The following SORCS1 variants were observed in gnomAD, a reference collection of about 807,000 sequenced individuals.
The protein encoded by SORCS1 is VPS10 domain-containing receptor SorCS1.
SORCS1 carries 60 observed loss-of-function variants against 146.1 expected under a neutral mutation model. The observed-to-expected ratio is 0.41, with a 90% confidence interval of 0.33 to 0.51. The LOEUF (loss-of-function observed/expected upper bound fraction) is 0.51. Among genes scored for constraint, SORCS1 ranks in the 20% least tolerant of loss-of-function variants. SORCS1 has a pLI of 0.21. For missense variants in SORCS1, 1,352 were observed against 1,487.6 expected (o/e 0.91, Z 1.50); for synonymous variants, 637 against 584.0 (o/e 1.09, Z -1.31).
intron 1 of SORCS1, among the ~76,000 whole-genome samples, chr10:107,127,324 C>T (rs934039047): frequency 1.3e-5 from 2 of 151,968 alleles, no homozygotes; most frequent in African/African-American, 2.4e-5. Context: ...CTTTCAGCAC[C>T]ATAGTTGAAA....
At position 106,897,934 on chromosome 10, in the gene SORCS1, G is replaced by T. The variant is rs539587159; in HGVS notation, c.626+58579C>A. 6.6e-5 allele frequency among the ~76,000 whole-genome samples: 10 copies of T among 152,306 alleles called. No homozygotes were observed. The East Asian group carries it at 1.9e-3, about 29-fold the overall frequency. On this transcript the variant is annotated intron_variant, in intron 2 of 25. Transcript: ENST00000263054. ...AAGGTTCCTATTTTTCAGTCCTCTG[G>T]TGCAGCCTTGGCCACTGGCCATTCC...
At chr10:107,036,215 AT>A (rs1473274073) in intron 1 of SORCS1, among the ~76,000 whole-genome samples, 16 of 152,212 alleles carry the variant, frequency 1.1e-4, no homozygotes, top group East Asian at 1.9e-4. Flanking sequence ...ATAAAAAATA[AT>A]ATGAATAAAA....
upstream of SORCS1, among the ~76,000 whole-genome samples, chr10:107,165,742 G>C (rs760615773): frequency 6.6e-6 from 1 of 152,208 alleles, no homozygotes; most frequent in Non-Finnish European, 1.5e-5. The surrounding 1 kb of genome is among the most constrained non-coding windows in gnomAD (Gnocchi z 4.0). Flanking sequence ...ACTGCCACAT[G>C]CTTTGAGATC....
intron 2 of SORCS1, among the ~76,000 whole-genome samples, chr10:106,925,669 C>T (rs1285813377): frequency 6.6e-6 from 1 of 152,160 alleles, no homozygotes; most frequent in Non-Finnish European, 1.5e-5. Context: ...TCTAGATAAC[C>T]TAAAATTTGT....
intron 18 of SORCS1, among the ~76,000 whole-genome samples, chr10:106,633,083 T>C (rs1286579494): frequency 6.6e-6 from 1 of 152,110 alleles, no homozygotes; most frequent in African/African-American, 2.4e-5. Flanking sequence ...CAGAGAAAAA[T>C]ACCTTCTGGG....
At chr10:106,851,825 T>C (rs1396851677) in intron 2 of SORCS1, among the ~76,000 whole-genome samples, 1 of 152,250 alleles carries the variant, frequency 6.6e-6, no homozygotes, top group Non-Finnish European at 1.5e-5. Context: ...AGTCTTTCTG[T>C]CCATGGATAT....
At chr10:106,601,065 G>A (rs1429154932) in intron 23 of SORCS1, among the ~76,000 whole-genome samples, 1 of 152,144 alleles carries the variant, frequency 6.6e-6, no homozygotes, top group African/African-American at 2.4e-5. Context: ...TTCACCAGTT[G>A]CATAATTGGG....
Position 106,742,070 on chromosome 10 carries a change from A to G in SORCS1, c.960-11956T>C, listed in dbSNP as rs138184116. On this transcript the variant is annotated intron_variant, in intron 5 of 25. Coordinates refer to ENST00000263054, the MANE Select transcript of SORCS1 (RefSeq NM_052918.5). ...TCAAATACTTCAACTGAGAAGGAAAAGAGATCCAGTCAGTAAAGCTTGGAA... is the reference window on the plus strand; with the variant it reads ...TCAAATACTTCAACTGAGAAGGAAAGGAGATCCAGTCAGTAAAGCTTGGAA... Among the ~76,000 whole-genome samples the G allele has an allele frequency of 3.4e-3, 516 of 152,316 alleles. 3 individuals are homozygous for G. The highest frequency in any genetic ancestry group is 0.02 in the Middle Eastern group (6 of 294).
chr10:106,889,018 CT>C (rs35533170), intron 2 of SORCS1, among the ~76,000 whole-genome samples: 1 of 152,154 alleles, frequency 6.6e-6, no homozygotes, highest in African/African-American at 2.4e-5. Flanking sequence ...CCAATAAACG[CT>C]TTTTTTCAAT....
At chr10:107,030,186 C>G (rs1392118427) in intron 1 of SORCS1, among the ~76,000 whole-genome samples, 1 of 152,088 alleles carries the variant, frequency 6.6e-6, no homozygotes, top group Non-Finnish European at 1.5e-5. Context: ...TCTCCACATT[C>G]AATACTTAAG....
intron 5 of SORCS1, among the ~76,000 whole-genome samples, chr10:106,753,299 T>C (rs1858395345): frequency 6.6e-6 from 1 of 152,158 alleles, no homozygotes; most frequent in African/African-American, 2.4e-5. Flanking sequence ...GTTACAGCCA[T>C]CTCGCGCCAC....
chr10:106,989,235 A>T (rs1452392445), intron 1 of SORCS1, among the ~76,000 whole-genome samples: 2 of 137,382 alleles, frequency 1.5e-5, no homozygotes, highest in Non-Finnish European at 3.0e-5. Context: ...GCATCACCAC[A>T]CTCCAGCCTG....
chr10:106,780,321 C>G (rs1860793601), intron 3 of SORCS1, among the ~76,000 whole-genome samples: 1 of 152,186 alleles, frequency 6.6e-6, no homozygotes, highest in Non-Finnish European at 1.5e-5. Flanking sequence ...TAGAATGACT[C>G]TTTATCCCCT....
intron 25 of SORCS1, 115 bp from the exon 26 acceptor site, chr10:106,577,670 T>C (rs1844650563): frequency 6.6e-7 from 1 of 1,510,684 alleles, no homozygotes; most frequent in Non-Finnish European, 8.8e-7. Flanking sequence ...ACTACTTTAA[T>C]AAAGCAAACA....
rs116715947 is a variant in SORCS1, at chr10:107,152,655, C to T, written c.558+11314G>A. ...TCTGCACCTCTCTCTTCTGCTGTCA[C>T]ATGAAGAAGGATCTGTTTGCTTCCC... On this transcript the variant is annotated intron_variant, in intron 1 of 25. Transcript: ENST00000263054. Among the ~76,000 whole-genome samples, 995 of 152,322 alleles carry T rather than the reference C, an allele frequency of 6.5e-3. 11 individuals are homozygous for T. The highest frequency in any genetic ancestry group is 0.023 in the African/African-American group (938 of 41,564).
At chr10:106,597,984 AAATATT>A (rs1846006340) in intron 23 of SORCS1, among the ~76,000 whole-genome samples, 1 of 152,130 alleles carries the variant, frequency 6.6e-6, no homozygotes, top group African/African-American at 2.4e-5. Flanking sequence ...TCATGCTTAT[AAATATT>A]ATCTAAACTG....
chr10:106,608,850 C>T (rs1017954814), intron 22 of SORCS1, among the ~76,000 whole-genome samples: 6 of 152,108 alleles, frequency 3.9e-5, no homozygotes, highest in South Asian at 2.1e-4. Context: ...CAAGAGACCC[C>T]GAGGGGAGAC....
rs10579142 is a variant in SORCS1 at position 106,598,236 on chromosome 10, ATATTATTATTATTATTAT to A, written c.3166-804_3166-787del. ...TTACGGGGATAACAACACTCCTATT[ATATTATTATTATTATTAT>A]TATTATTATTATTATTATTATTATT... On this transcript the variant is annotated intron_variant, in intron 23 of 25. Coordinates refer to ENST00000263054, the MANE Select transcript of SORCS1 (RefSeq NM_052918.5). 2.2e-3 allele frequency among the ~76,000 whole-genome samples: 307 copies of A among 140,480 alleles called. 4 individuals carry two copies. The Middle Eastern group carries it at 0.036, about 17-fold the overall frequency. The allele number at this position is 140,480 out of a possible 152,430, so 92.2% of individuals were successfully genotyped here. A position where few individuals can be genotyped will look rare whatever the true frequency, so the allele number is the denominator to read the frequency against.
At chr10:106,950,087 T>C (rs1276446869) in intron 2 of SORCS1, among the ~76,000 whole-genome samples, 1 of 152,254 alleles carries the variant, frequency 6.6e-6, no homozygotes, top group Non-Finnish European at 1.5e-5. Flanking sequence ...CTTAATCCAC[T>C]ATAAAGTGAA....
Sources: allele counts gnomAD v4.1 joint callset (sites outside exome capture counted in the v4.1 genomes callset), GRCh38; gene constraint gnomAD v4.1.1; non-coding constraint Gnocchi (gnomAD v3.1); transcripts MANE v1.5; gene names NCBI Gene and HGNC (gene_info 2026-07-23, HGNC 2026-07-21).